Variants in AFDN observed in about 807,000 individuals in gnomAD.
AFDN encodes the protein afadin, adherens junction formation factor, also known as afadin.
A neutral mutation model predicts 216.6 loss-of-function variants in AFDN; 68 were observed. That is an observed-to-expected ratio of 0.31 (90% CI 0.26 to 0.38). AFDN has a LOEUF of 0.38. Among genes scored for constraint, AFDN ranks in the 10% least tolerant of loss-of-function variants. The pLI, the probability that AFDN is intolerant of heterozygous loss-of-function variation, is 1.00. For synonymous variants in AFDN, 868 were observed against 853.7 expected, an observed-to-expected ratio of 1.02 and a Z score of -0.29; for missense variants, 2,136 against 2,342.0, an observed-to-expected ratio of 0.91 and a Z score of 1.82.
At chr6:167,928,295 G>C (rs927003134) in intron 23 of AFDN, among the ~76,000 whole-genome samples, 1 of 152,184 alleles carries the variant, frequency 6.6e-6, no homozygotes, top group Non-Finnish European at 1.5e-5. Context: ...GGTGGCCTCT[G>C]GCCTCTGGTT....
At chr6:167,947,260 A>G (rs1795387295) in intron 27 of AFDN, among the ~76,000 whole-genome samples, 1 of 151,906 alleles carries the variant, frequency 6.6e-6, no homozygotes. Context: ...GCTAACTGCA[A>G]GCTCCACCTC....
In AFDN at chr6:167,951,588, G is replaced by T. The variant is rs1360442270; in HGVS notation, c.4234G>T (p.Ala1412Ser). 2 of 1,613,942 alleles carry T rather than the reference G, an allele frequency of 1.2e-6. No homozygotes were observed. The highest frequency in any genetic ancestry group is 1.7e-6 in the Non-Finnish European group (2 of 1,179,982). The change falls in exon 30 of 34, where the codon GCT (alanine) becomes TCT (serine). Residue 1412 changes from alanine to serine, a missense_variant. Coordinates refer to ENST00000683244, the MANE Select transcript of AFDN (RefSeq NM_001386888.1). This position sits in a 1 kb window ranked among gnomAD's most constrained non-coding sequence, Gnocchi z 7.1. ...GATAGGGCTGCCGTCTGCGCAGGTG[G>T]CTGCTGCTGAACGGAGAAAGAGAGA... ...NQIGLPSAQV[A>S]AAERRKREEH...
At chr6:167,947,175 ATT>A (rs75948172) in intron 27 of AFDN, among the ~76,000 whole-genome samples, 42,515 of 146,640 alleles carry the variant, frequency 0.29, 6,700 homozygotes, top group East Asian at 0.58. Flanking sequence ...TATGTTTTAC[ATT>A]TTTTTTTTTT....
chr6:167,880,029 GAA>G (rs1384993415), intron 5 of AFDN, among the ~76,000 whole-genome samples: 1 of 152,160 alleles, frequency 6.6e-6, no homozygotes, highest in African/African-American at 2.4e-5. Flanking sequence ...GCACCATAGA[GAA>G]ATTCTGGAGT....
At chr6:167,918,981 C>A in intron 21 of AFDN, 48 bp downstream of exon 21, 1 of 1,507,962 alleles carries the variant, frequency 6.6e-7, no homozygotes, top group Non-Finnish European at 9.1e-7. Flanking sequence ...CAGGTTGAAG[C>A]GAGCATTTTA....
intron 30 of AFDN, among the ~76,000 whole-genome samples, chr6:167,961,714 A>T (rs1182842366): frequency 6.6e-6 from 1 of 152,222 alleles, no homozygotes; most frequent in Non-Finnish European, 1.5e-5. Flanking sequence ...AATGGATTGT[A>T]TTGACTGAGA....
chr6:167,879,125 T>C (rs1785797683), intron 5 of AFDN, among the ~76,000 whole-genome samples: 1 of 152,226 alleles, frequency 6.6e-6, no homozygotes. Context: ...GCTGTTCCTC[T>C]GCATTGGAAC....
chr6:167,838,079 C>G (rs1437905605), intron 1 of AFDN, among the ~76,000 whole-genome samples: 1 of 152,072 alleles, frequency 6.6e-6, no homozygotes, highest in Admixed American at 6.5e-5. Context: ...TGTTTTGTAG[C>G]CAAGGTGACA....
rs1188939877 is a variant in AFDN, at chr6:167,875,333, A to G, written c.579-2A>G. Reference sequence around the variant, plus strand: ...TATTTTTGGTATTTTTTTTTCTTACAGTGAAAATTCTCGACTGGCTGCTGA... The same window carrying G: ...TATTTTTGGTATTTTTTTTTCTTACGGTGAAAATTCTCGACTGGCTGCTGA... On this transcript the variant is annotated splice_acceptor_variant, in intron 4 of 33. Transcript: ENST00000683244. LOFTEE classifies it high-confidence loss of function. The G allele has an allele frequency of 1.9e-6, 3 of 1,596,654 alleles. No homozygotes were observed. Among genetic ancestry groups the G allele is most frequent in the Non-Finnish European group, 8.5e-7 (1 of 1,175,264 alleles).
chr6:167,880,900 G>A (rs535601354), intron 6 of AFDN, among the ~76,000 whole-genome samples: 32 of 152,200 alleles, frequency 2.1e-4, no homozygotes, highest in Non-Finnish European at 4.6e-4. Flanking sequence ...TGTAAAGTAT[G>A]TGCCAATTTT....
chr6:167,943,617 C>G (rs981110136), intron 25 of AFDN, 142 bp downstream of exon 25: 24 of 632,138 alleles, frequency 3.8e-5, no homozygotes, highest in Non-Finnish European at 6.3e-5. Flanking sequence ...TGACATTTCA[C>G]TTGTTATCAA....
intron 1 of AFDN, among the ~76,000 whole-genome samples, chr6:167,828,514 GATGTT>G (rs1324918798): frequency 3.3e-5 from 5 of 152,160 alleles, no homozygotes; most frequent in African/African-American, 9.7e-5. Flanking sequence ...TTTGAGCATA[GATGTT>G]ATGTTAAGTT....
In AFDN at chr6:167,850,627, AT is replaced by A. The variant is rs201910439; in HGVS notation, c.106-13921del. On this transcript the variant is annotated intron_variant, in intron 1 of 33. Transcript: ENST00000683244. ...ATGGTACATTATCTTCATCGTTCAA[AT>A]TTAGAACCTTCTTATTATTTCACAT... is the stretch of plus-strand genomic sequence containing the variant. Among the ~76,000 whole-genome samples, 1,445 of 152,294 alleles carry A rather than the reference AT, an allele frequency of 9.5e-3. 14 individuals are homozygous for A. The highest frequency in any genetic ancestry group is 0.016 in the Non-Finnish European group (1,078 of 68,026).
intron 23 of AFDN, among the ~76,000 whole-genome samples, chr6:167,928,567 G>A (rs559489201): frequency 1.3e-5 from 2 of 152,332 alleles, no homozygotes; most frequent in South Asian, 2.1e-4. Context: ...AGGGGAAGGA[G>A]TGCAAAAGGT....
At position 167,948,355 on chromosome 6, in the gene AFDN, G is replaced by A. The variant is rs1173931500; in HGVS notation, c.3708G>A (p.Glu1236=). 1 of 1,614,130 alleles carries A rather than the reference G, an allele frequency of 6.2e-7. No homozygotes were observed. Among genetic ancestry groups the A allele is most frequent in the Non-Finnish European group, 8.5e-7 (1 of 1,180,024 alleles). ...YPIPTQTYTR[E]YFTFPASKSQ... is the part of the protein sequence containing the mutation. The stretch of plus-strand genomic sequence containing the variant: ...TCCCCACTCAGACGTACACCAGAGA[G>A]TATTTTACCTTCCCAGCTTCCAAAT... The change falls in exon 29 of 34, where the codon GAG becomes GAA. Residue 1236 remains glutamate, a synonymous_variant. Transcript: ENST00000683244.
rs1303374048 is a variant in AFDN at position 167,971,194 on chromosome 6, C to T, written c.*1259C>T. On this transcript the variant is annotated 3_prime_UTR_variant, in exon 34 of 34. Transcript: ENST00000683244. ...GTGGAGTCCAAATGATTTTTCTGTACCATATTGTTCTCTTACACATACGTA... is the reference window on the plus strand; with the variant it reads ...GTGGAGTCCAAATGATTTTTCTGTATCATATTGTTCTCTTACACATACGTA... 4.6e-6 allele frequency: 1 copy of T among 219,728 alleles called. No homozygotes were observed. The highest frequency in any genetic ancestry group is 9.1e-6 in the Non-Finnish European group (1 of 109,816). 13.6% of individuals were successfully genotyped at this position (219,728 alleles called of 1,614,324 possible). A position where few individuals can be genotyped will look rare whatever the true frequency, so the allele number is the denominator to read the frequency against.
rs80312758 is a variant in AFDN, at chr6:167,947,767, G to A, written c.3554-86G>A. The A allele has an allele frequency of 6.6e-4, 525 of 797,310 alleles. 5 individuals are homozygous for A. The East Asian group carries it at 0.014, about 21-fold the overall frequency. The allele number at this position is 797,310 out of a possible 1,614,324, so 49.4% of individuals were successfully genotyped here. On this transcript the variant is annotated intron_variant, in intron 27 of 33. Transcript: ENST00000683244. ...GGATACTCACTAGCAGTATGAAGAT[G>A]AATGAGGTCTTTAAGGAAATTTCAT...
chr6:167,870,352 C>T (rs756704313), intron 2 of AFDN, 34 bp from the exon 3 acceptor site: 2 of 1,341,292 alleles, frequency 1.5e-6, no homozygotes, highest in South Asian at 1.3e-5. Flanking sequence ...ATAACCATAG[C>T]TTATTCTTTT....
intron 1 of AFDN, among the ~76,000 whole-genome samples, chr6:167,859,246 C>T (rs909008939): frequency 3.3e-5 from 5 of 152,052 alleles, no homozygotes; most frequent in African/African-American, 9.7e-5. Context: ...TTCTTCTGTC[C>T]TCTACCTAAA....
Sources: gnomAD v4.1 joint callset for allele counts (sites outside exome capture counted in the v4.1 genomes callset) on GRCh38, gnomAD v4.1.1 for gene constraint, Gnocchi (gnomAD v3.1) non-coding constraint, MANE v1.5 for transcripts, NCBI Gene and HGNC (gene_info 2026-07-23, HGNC 2026-07-21) for gene names.